The following TMEM62 variants were observed in gnomAD, a reference collection of about 807,000 sequenced individuals.
TMEM62 encodes the protein transmembrane protein 62.
A neutral mutation model predicts 70.4 loss-of-function variants in TMEM62; 41 were observed. The observed-to-expected ratio is 0.58, with a 90% confidence interval of 0.45 to 0.76. The LOEUF (loss-of-function observed/expected upper bound fraction) is 0.76. Among genes scored for constraint, TMEM62 ranks in the 30% least tolerant of loss-of-function variants. The probability of loss-of-function intolerance (pLI) is 0.00; values close to 1 mark genes in which losing one functional copy is unlikely to be tolerated. For missense variants in TMEM62, 688 were observed against 788.5 expected, an observed-to-expected ratio of 0.87 and a Z score of 1.53; for synonymous variants, 268 against 291.0, an observed-to-expected ratio of 0.92 and a Z score of 0.80.
At chr15:43,171,380 G>A (rs1596332481) in intron 11 of TMEM62, among the ~76,000 whole-genome samples, 1 of 150,710 alleles carries the variant, frequency 6.6e-6, no homozygotes, top group Non-Finnish European at 1.5e-5. Flanking sequence ...CCATCCTGAT[G>A]ATATAAAACT....
In TMEM62 at chr15:43,184,832, C is replaced by G; in HGVS notation, c.*246C>G. On this transcript the variant is annotated 3_prime_UTR_variant, in exon 14 of 14. Coordinates refer to ENST00000260403, the MANE Select transcript of TMEM62 (RefSeq NM_024956.4). ...CCTAAGGAGGCAAAGAGTTGATTTA[C>G]CTTTGTGAAGAGAAAACCCTTATCT... 1 of 545,826 alleles carries G rather than the reference C, an allele frequency of 1.8e-6. No individual in the cohort carries two copies. Among genetic ancestry groups the G allele is most frequent in the Non-Finnish European group, 3.3e-6 (1 of 307,216 alleles). 33.8% of individuals were successfully genotyped at this position (545,826 alleles called of 1,614,324 possible).
intron 11 of TMEM62, among the ~76,000 whole-genome samples, chr15:43,171,614 CT>C (rs751979920): frequency 0.077 from 8,826 of 115,194 alleles, 643 homozygotes; most frequent in African/African-American, 0.22. Flanking sequence ...TTAATAAAAA[CT>C]TTTTTTTTTT....
intron 13 of TMEM62, among the ~76,000 whole-genome samples, chr15:43,181,621 C>T (rs930368826): frequency 1.3e-5 from 2 of 152,218 alleles, no homozygotes; most frequent in Admixed American, 1.3e-4. Context: ...CCTGCCTCAG[C>T]CTCCTGGGTA....
In TMEM62 at chr15:43,177,386, CTT is replaced by C. The variant is rs542867562; in HGVS notation, c.1382-1218_1382-1217del. On this transcript the variant is annotated intron_variant, in intron 11 of 13. Transcript: ENST00000260403. ...GAGAGGATGTGGAGAAATAGGAACA[CTT>C]TTACACTGTTGGTGGGACTGTAAAC... Among the ~76,000 whole-genome samples the C allele has an allele frequency of 5.2e-3, 795 of 152,154 alleles. 17 individuals carry two copies. The highest frequency in any genetic ancestry group is 0.018 in the African/African-American group (762 of 41,452).
chr15:43,136,892 G>A (rs557741579), intron 3 of TMEM62, among the ~76,000 whole-genome samples: 38 of 152,232 alleles, frequency 2.5e-4, no homozygotes, highest in African/African-American at 8.9e-4. Flanking sequence ...GGGACTACAA[G>A]CATGCATCAC....
At chr15:43,141,572 C>T (rs1214972029) in intron 4 of TMEM62, among the ~76,000 whole-genome samples, 2 of 152,322 alleles carry the variant, frequency 1.3e-5, no homozygotes, top group East Asian at 3.9e-4. Context: ...CCTGCTAGCG[C>T]AGTATTCATT....
chr15:43,148,865 C>T lies in TMEM62; in HGVS notation c.729C>T (p.Ile243=), dbSNP rs1429252858. Residue 243 remains isoleucine (I), a synonymous_variant, in exon 6 of 14, where the codon ATC becomes ATT. Transcript: ENST00000260403. ...TSTILSPSPG[I]RSIMSSAIAY... ...CTATTCTTTCTCCATCACCAGGAAT[C>T]CGGTCAATAATGAGGTGAGACAAGC... The T allele has an allele frequency of 6.2e-7, 1 of 1,613,242 alleles. No homozygotes were observed. Among genetic ancestry groups the T allele is most frequent in the Non-Finnish European group, 8.5e-7 (1 of 1,179,820 alleles).
chr15:43,146,472 C>T (rs1160718073), intron 4 of TMEM62, 21 bp from the exon 5 acceptor site: 5 of 1,600,464 alleles, frequency 3.1e-6, no homozygotes, highest in Non-Finnish European at 3.4e-6. Flanking sequence ...CACTAACACC[C>T]TCCTGTCTTC....
intron 13 of TMEM62, 53 bp from the exon 14 acceptor site, chr15:43,184,207 G>C: frequency 6.6e-7 from 1 of 1,505,562 alleles, no homozygotes; most frequent in African/African-American, 1.4e-5. Context: ...GCATTATTAA[G>C]ACCAAACTCT....
At chr15:43,182,489 TGTC>T (rs2041439031) in intron 13 of TMEM62, among the ~76,000 whole-genome samples, 1 of 151,406 alleles carries the variant, frequency 6.6e-6, no homozygotes, top group Admixed American at 6.6e-5. Flanking sequence ...GTCTCGATCT[TGTC>T]GTCCAGGCTG....
Position 43,133,993 on chromosome 15 carries a change from G to C in TMEM62, c.180+11G>C, listed in dbSNP as rs562346842. ...TTCTGGGGCCTGCAGGTGACGCGGCGGGAAGCCGGGCCGGGAGGCAGGTGC... is the reference window on the plus strand; with the variant it reads ...TTCTGGGGCCTGCAGGTGACGCGGCCGGAAGCCGGGCCGGGAGGCAGGTGC... On this transcript the variant is annotated intron_variant, in intron 1 of 13. Transcript: ENST00000260403. 2 of 1,437,810 alleles carry C rather than the reference G, an allele frequency of 1.4e-6. No individual in the cohort carries two copies. The highest frequency in any genetic ancestry group is 2.9e-5 in the African/African-American group (2 of 69,172). The allele number at this position is 1,437,810 out of a possible 1,614,324, so 89.1% of individuals were successfully genotyped here. A position where few individuals can be genotyped will look rare whatever the true frequency, so the allele number is the denominator to read the frequency against.
intron 9 of TMEM62, among the ~76,000 whole-genome samples, chr15:43,155,639 C>G (rs922723525): frequency 2.0e-5 from 3 of 152,106 alleles, no homozygotes; most frequent in Non-Finnish European, 4.4e-5. Context: ...CTTTTTTTAG[C>G]CCCAGGAAAT....
chr15:43,167,207 C>CG (rs1318624647), intron 10 of TMEM62, among the ~76,000 whole-genome samples: 1 of 150,074 alleles, frequency 6.7e-6, no homozygotes. Context: ...GCTGGCCGGG[C>CG]GGGGGGCTGA....
intron 10 of TMEM62, among the ~76,000 whole-genome samples, chr15:43,163,210 A>T (rs542333988): frequency 6.6e-6 from 1 of 152,166 alleles, no homozygotes; most frequent in African/African-American, 2.4e-5. Context: ...GAAATACACT[A>T]AAATTTTCAG....
chr15:43,133,685 C>A lies in TMEM62; in HGVS notation c.-118C>A, dbSNP rs1409723865. The stretch of plus-strand genomic sequence containing the variant: ...CCAGCCCCGCATCCGGCGCCGGCCC[C>A]GCATCCAGCTCTGGCCCTGCGACAA... On this transcript the variant is annotated 5_prime_UTR_variant, in exon 1 of 14. Transcript: ENST00000260403. 1 of 732,082 alleles carries A rather than the reference C, an allele frequency of 1.4e-6. No individual in the cohort carries two copies. The highest frequency in any genetic ancestry group is 4.5e-5 in the Admixed American group (1 of 22,418). 45.3% of individuals were successfully genotyped at this position (732,082 alleles called of 1,614,324 possible). A position where few individuals can be genotyped will look rare whatever the true frequency, so the allele number is the denominator to read the frequency against.
chr15:43,149,135 T>C lies in TMEM62; in HGVS notation c.850T>C (p.Trp284Arg). ...QGTLELEVGDWKDNRRYRIFA... is the reference protein window; with the variant it reads ...QGTLELEVGDRKDNRRYRIFA... ...CACTTTGGAACTTGAGGTGGGAGAC[T>C]GGAAGGATAATAGGAGGTAAGGGAA... Residue 284 changes from tryptophan (W) to arginine (R), a missense_variant, in exon 7 of 14, where the codon TGG (tryptophan) becomes CGG (arginine). By Grantham distance (101) the Trp-to-Arg change is moderately radical. Transcript: ENST00000260403. 1 of 1,614,082 alleles carries C rather than the reference T, an allele frequency of 6.2e-7. No homozygotes were observed. Among genetic ancestry groups the C allele is most frequent in the Non-Finnish European group, 8.5e-7 (1 of 1,180,008 alleles).
intron 9 of TMEM62, among the ~76,000 whole-genome samples, chr15:43,157,995 T>A (rs1234751171): frequency 2.0e-5 from 3 of 152,110 alleles, no homozygotes; most frequent in Non-Finnish European, 4.4e-5. Context: ...ACCTCCCCCC[T>A]CTTTTTTGTA....
At chr15:43,159,438 C>G (rs1414031939) in intron 9 of TMEM62, among the ~76,000 whole-genome samples, 2 of 152,142 alleles carry the variant, frequency 1.3e-5, no homozygotes, top group Non-Finnish European at 2.9e-5. Context: ...CTCTCTGTAT[C>G]CATGAGTTCA....
At position 43,159,088 on chromosome 15, in the gene TMEM62, A is replaced by T. The variant is rs191030872; in HGVS notation, c.1183-1593A>T. On this transcript the variant is annotated intron_variant, in intron 9 of 13. Coordinates refer to ENST00000260403, the MANE Select transcript of TMEM62 (RefSeq NM_024956.4). ...CTTATGCATTTTTTTCTTTAAAAAA[A>T]TTTTTTTTAAAGTTTTACTTTTTGT... Among the ~76,000 whole-genome samples the T allele has an allele frequency of 2.7e-3, 408 of 152,078 alleles. 3 individuals are homozygous for T. Among genetic ancestry groups the T allele is most frequent in the Non-Finnish European group, 3.9e-3 (266 of 67,982 alleles).
Sources: allele counts gnomAD v4.1 joint callset (sites outside exome capture counted in the v4.1 genomes callset), GRCh38; gene constraint gnomAD v4.1.1; transcripts MANE v1.5; gene names NCBI Gene and HGNC (gene_info 2026-07-23, HGNC 2026-07-21).